Variants in MAP2K6 observed in about 807,000 individuals in gnomAD.
MAP2K6 encodes dual specificity mitogen-activated protein kinase kinase 6.
A neutral mutation model predicts 53.7 loss-of-function variants in MAP2K6; 16 were observed. The ratio of observed to expected loss-of-function variants is 0.30; its 90% CI spans 0.20 to 0.45. The LOEUF is 0.45. Among genes scored for constraint, MAP2K6 ranks in the 20% least tolerant of loss-of-function variants. The pLI, the probability that MAP2K6 is intolerant of heterozygous loss-of-function variation, is 1.00. For synonymous variants in MAP2K6, 132 were observed against 143.1 expected, an observed-to-expected ratio of 0.92 and a Z score of 0.55; for missense variants, 204 against 411.9, an observed-to-expected ratio of 0.50 and a Z score of 4.37.
intron 1 of MAP2K6, among the ~76,000 whole-genome samples, chr17:69,484,481 C>T (rs1056586153): frequency 6.6e-6 from 1 of 151,696 alleles, no homozygotes; most frequent in East Asian, 1.9e-4. Context: ...CTGATGGGAA[C>T]GTAACATGGT....
chr17:69,510,411 GTTTA>G (rs1346624022), intron 2 of MAP2K6, among the ~76,000 whole-genome samples: 1 of 152,072 alleles, frequency 6.6e-6, no homozygotes, highest in Non-Finnish European at 1.5e-5. Context: ...GTCTGTGGTG[GTTTA>G]TTTATTATTT....
At chr17:69,491,730 G>GTTATAATTATTATTA (rs1555606495) in intron 1 of MAP2K6, among the ~76,000 whole-genome samples, 1 of 143,384 alleles carries the variant, frequency 7.0e-6, no homozygotes, top group Non-Finnish European at 1.5e-5. Context: ...GCTGGCATCT[G>GTTATAATTATTATTA]TTATTATTAT....
intron 1 of MAP2K6, among the ~76,000 whole-genome samples, chr17:69,465,414 A>G (rs1907762494): frequency 6.6e-6 from 1 of 152,036 alleles, no homozygotes; most frequent in South Asian, 2.1e-4. Context: ...AAAGGTAAAC[A>G]TTTCTTCCTT....
At chr17:69,442,668 A>G (rs943446800) in intron 1 of MAP2K6, among the ~76,000 whole-genome samples, 1 of 152,226 alleles carries the variant, frequency 6.6e-6, no homozygotes, top group Non-Finnish European at 1.5e-5. Flanking sequence ...GTACAGAAAG[A>G]CAAACCTAGT....
chr17:69,476,573 G>A (rs1232341933), intron 1 of MAP2K6, among the ~76,000 whole-genome samples: 1 of 152,168 alleles, frequency 6.6e-6, no homozygotes, highest in Non-Finnish European at 1.5e-5. Flanking sequence ...AATGTTGTGT[G>A]GGATACTACA....
At chr17:69,415,036 A>G (rs1374905553) in intron 1 of MAP2K6, 36 bp downstream of exon 1, 11 of 1,527,694 alleles carry the variant, frequency 7.2e-6, no homozygotes, top group South Asian at 1.1e-5. Flanking sequence ...AAAAATGCAA[A>G]GGGTTGTGCA....
chr17:69,510,138 G>C (rs1216397709), intron 2 of MAP2K6, among the ~76,000 whole-genome samples: 1 of 152,142 alleles, frequency 6.6e-6, no homozygotes, highest in Admixed American at 6.5e-5. Context: ...GAGCCAACGT[G>C]CCCTGCCTGA....
intron 1 of MAP2K6, among the ~76,000 whole-genome samples, chr17:69,483,639 G>A (rs1908424557): frequency 6.6e-6 from 1 of 152,014 alleles, no homozygotes. Flanking sequence ...CCTCAGAATA[G>A]CCAAAACAAC....
intron 1 of MAP2K6, chr17:69,434,805 CA>C (rs1349733650): frequency 6.6e-6 from 1 of 152,104 alleles, no homozygotes; most frequent in African/African-American, 2.4e-5. Flanking sequence ...ATATTTTTAA[CA>C]AGATCTGTGA....
At chr17:69,441,893 A>G (rs1906831744) in intron 1 of MAP2K6, among the ~76,000 whole-genome samples, 2 of 152,042 alleles carry the variant, frequency 1.3e-5, no homozygotes, top group African/African-American at 4.8e-5. Flanking sequence ...GGGGTGCTTC[A>G]GGCTTCCTCC....
intron 1 of MAP2K6, among the ~76,000 whole-genome samples, chr17:69,422,431 C>G (rs1325149863): frequency 6.6e-6 from 1 of 152,090 alleles, no homozygotes; most frequent in Non-Finnish European, 1.5e-5. Flanking sequence ...CACGCCTGGC[C>G]AAATCATCGT....
rs1323212997 is a variant in MAP2K6, at chr17:69,546,072, G to A, written c.*4319G>A. On this transcript the variant is annotated 3_prime_UTR_variant, in exon 12 of 12. Transcript: ENST00000590474. ...ATCTTGCTTAGCCTGTGTGTGTTCT[G>A]TGGTACCTTGGAATAGCTCAGTACA... 2 of 151,366 alleles carry A rather than the reference G, an allele frequency of 1.3e-5. No homozygotes were observed. The highest frequency in any genetic ancestry group is 2.9e-5 in the Non-Finnish European group (2 of 67,950). 9.4% of individuals were successfully genotyped at this position (151,366 alleles called of 1,614,324 possible). A position where few individuals can be genotyped will look rare whatever the true frequency, so the allele number is the denominator to read the frequency against.
chr17:69,436,757 T>C (rs1239214516), intron 1 of MAP2K6, among the ~76,000 whole-genome samples: 1 of 152,164 alleles, frequency 6.6e-6, no homozygotes, highest in Non-Finnish European at 1.5e-5. Context: ...GACCCCCCCA[T>C]GCAGCTGAAA....
chr17:69,515,002 C>CT (rs1296186491), intron 2 of MAP2K6, among the ~76,000 whole-genome samples: 2 of 151,986 alleles, frequency 1.3e-5, no homozygotes, highest in African/African-American at 4.8e-5. Flanking sequence ...TTTCCTTTGC[C>CT]TTTTTCTGGC....
intron 1 of MAP2K6, among the ~76,000 whole-genome samples, chr17:69,460,019 C>T (rs373770079): frequency 6.9e-6 from 1 of 145,918 alleles, no homozygotes; most frequent in Non-Finnish European, 1.5e-5. Flanking sequence ...CCTTTTTACC[C>T]TCCTTCTCTC....
chr17:69,466,287 CAA>C (rs35116857), intron 1 of MAP2K6, among the ~76,000 whole-genome samples: 18 of 89,630 alleles, frequency 2.0e-4, no homozygotes, highest in Admixed American at 3.9e-4. Context: ...GAGACTGTCT[CAA>C]AAAAAAAAAA....
chr17:69,476,643 A>C (rs1172890287), intron 1 of MAP2K6, among the ~76,000 whole-genome samples: 1 of 152,236 alleles, frequency 6.6e-6, no homozygotes, highest in Non-Finnish European at 1.5e-5. Flanking sequence ...CCCTAAAGGC[A>C]GAGAAAGCAA....
At chr17:69,468,142 T>G (rs1386124677) in intron 1 of MAP2K6, among the ~76,000 whole-genome samples, 1 of 152,220 alleles carries the variant, frequency 6.6e-6, no homozygotes, top group Non-Finnish European at 1.5e-5. Context: ...CATTCCTAGA[T>G]TGCTTCTCCT....
intron 1 of MAP2K6, among the ~76,000 whole-genome samples, chr17:69,447,624 G>C (rs1598265703): frequency 1.3e-5 from 2 of 152,354 alleles, no homozygotes; most frequent in Admixed American, 1.3e-4. Context: ...GGGATTACAG[G>C]CGTGAGCCAC....
Sources: gnomAD v4.1 joint callset for allele counts (sites outside exome capture counted in the v4.1 genomes callset) on GRCh38, gnomAD v4.1.1 for gene constraint, MANE v1.5 for transcripts, NCBI Gene and HGNC (gene_info 2026-07-23, HGNC 2026-07-21) for gene names.